Variants in TBC1D1 observed in about 807,000 individuals in gnomAD.
TBC1D1 encodes the protein TBC1 (tre-2/USP6, BUB2, cdc16) domain family, member 1.
A neutral mutation model predicts 125.6 loss-of-function variants in TBC1D1; 89 were observed. The observed-to-expected ratio is 0.71, with a 90% confidence interval of 0.60 to 0.85. The LOEUF (loss-of-function observed/expected upper bound fraction) is 0.85, where lower values mean the gene tolerates loss of function less well. Ranked by LOEUF, TBC1D1 falls within the 40% of genes least tolerant of loss-of-function variation. The pLI is 0.00. For synonymous variants in TBC1D1, 565 were observed against 564.1 expected (o/e 1.00, Z -0.02); for missense variants, 1,377 against 1,469.2 (o/e 0.94, Z 1.03).
intron 2 of TBC1D1, among the ~76,000 whole-genome samples, chr4:37,997,614 A>G (rs2152399274): frequency 6.6e-6 from 1 of 152,344 alleles, no homozygotes; most frequent in South Asian, 2.1e-4. Flanking sequence ...AAATACATAT[A>G]TATGAAAAAT....
At chr4:37,925,526 G>A (rs1721903207) in intron 2 of TBC1D1, among the ~76,000 whole-genome samples, 1 of 152,026 alleles carries the variant, frequency 6.6e-6, no homozygotes, top group South Asian at 2.1e-4. Flanking sequence ...GACCATCCTG[G>A]CCAACATGGT....
chr4:38,046,371 A>T (rs929764584), intron 10 of TBC1D1, among the ~76,000 whole-genome samples: 4 of 103,270 alleles, frequency 3.9e-5, no homozygotes, highest in African/African-American at 5.7e-5. Context: ...GACTCTGTGT[A>T]AAAAAAAAAA....
At chr4:38,122,590 A>G (rs1402865082) in intron 17 of TBC1D1, among the ~76,000 whole-genome samples, 1 of 152,128 alleles carries the variant, frequency 6.6e-6, no homozygotes. Flanking sequence ...TTGTTCTCGT[A>G]ACACCCTGGG....
chr4:38,057,249 A>G (rs1458341621), intron 12 of TBC1D1, among the ~76,000 whole-genome samples: 1 of 151,766 alleles, frequency 6.6e-6, no homozygotes, highest in Non-Finnish European at 1.5e-5. Flanking sequence ...CCATGAACTC[A>G]CCCTCATGCC....
intron 6 of TBC1D1, among the ~76,000 whole-genome samples, chr4:38,026,036 A>G (rs566986869): frequency 6.4e-4 from 98 of 152,004 alleles, no homozygotes; most frequent in African/African-American, 2.0e-3. Context: ...TGGACAAAAT[A>G]CTTCGATGTG....
intron 15 of TBC1D1, among the ~76,000 whole-genome samples, chr4:38,106,262 C>T (rs538919042): frequency 6.6e-6 from 1 of 152,200 alleles, no homozygotes; most frequent in East Asian, 2.0e-4. Context: ...TGCACCCTCT[C>T]TAAGAAATGA....
rs1733349217 is a variant in TBC1D1 at position 37,977,328 on chromosome 4, C to G, written c.418-37181C>G. The G allele has an allele frequency of 5.8e-6, 1 of 172,618 alleles. No homozygotes were observed. The highest frequency in any genetic ancestry group is 6.7e-5 in the Admixed American group (1 of 14,954). The allele number at this position is 172,618 out of a possible 1,614,324, so 10.7% of individuals were successfully genotyped here. On this transcript the variant is annotated intron_variant, in intron 2 of 19. Transcript: ENST00000261439. This position sits in a 1 kb window ranked among gnomAD's most constrained non-coding sequence, Gnocchi z 4.3. ...CCTGGCCGCCCCGCGGGCGCGACCTCTCGGGGCAGTGACGAACTGGGTGGA... is the reference window on the plus strand; with the variant it reads ...CCTGGCCGCCCCGCGGGCGCGACCTGTCGGGGCAGTGACGAACTGGGTGGA...
At position 38,089,938 on chromosome 4, in the gene TBC1D1, C is replaced by T. The variant is rs1291599060; in HGVS notation, c.2057C>T (p.Ser686Leu). 2 of 1,576,262 alleles carry T rather than the reference C, an allele frequency of 1.3e-6. No homozygotes were observed. Among genetic ancestry groups the T allele is most frequent in the African/African-American group, 2.7e-5 (2 of 72,784 alleles). ...ATGCCGTCTCCCTTTCCAGATTATT[C>T]AGAGCTGGGAGAGCTTCCCCCACGA... is the stretch of plus-strand genomic sequence containing the variant. The change falls in exon 13 of 20, where the codon TCA becomes TTA. Residue 686 changes from serine to leucine, a missense_variant. Physicochemically the swap from Ser to Leu is moderately radical, Grantham distance 145 (BLOSUM62 -2). This residue lies in a region of TBC1D1 where 543 missense variants were observed against 613.5 expected (regional missense o/e 0.89). Transcript: ENST00000261439.
rs71190937 is a variant in TBC1D1, at chr4:37,983,121, C to CTT, written c.418-31369_418-31368dup. 1.8e-3 allele frequency among the ~76,000 whole-genome samples: 214 copies of CTT among 116,552 alleles called. 1 individual carries two copies. The highest frequency in any genetic ancestry group is 3.8e-3 in the African/African-American group (114 of 30,284). 76.5% of individuals were successfully genotyped at this position (116,552 alleles called of 152,430 possible). A position where few individuals can be genotyped will look rare whatever the true frequency, so the allele number is the denominator to read the frequency against. On this transcript the variant is annotated intron_variant, in intron 2 of 19. Transcript: ENST00000261439. ...GCCAAAGATGATCTTTCCCCAAACT[C>CTT]TTTTTTTTTTTTTTTTTTTTCAGAC...
chr4:37,917,746 C>T (rs1000737437), intron 2 of TBC1D1, among the ~76,000 whole-genome samples: 1 of 152,186 alleles, frequency 6.6e-6, no homozygotes, highest in Non-Finnish European at 1.5e-5. Context: ...GACAGAATAA[C>T]CCTTGCTGCT....
Position 38,035,592 on chromosome 4 carries a change from T to C in TBC1D1, c.1307T>C (p.Leu436Ser). ...TTTCTGATTTTTGTTTTAAAGAAAT[T>C]GAGACCGAGAAATGAGCAGCGAGAG... Residue 436 changes from leucine to serine, a missense_variant, in exon 8 of 20, where the codon TTG becomes TCG. This residue lies in a region of TBC1D1 where 822 missense variants were observed against 824.6 expected (regional missense o/e 1.00). Coordinates refer to ENST00000261439, the MANE Select transcript of TBC1D1 (RefSeq NM_015173.4). The C allele has an allele frequency of 6.2e-7, 1 of 1,612,364 alleles. No homozygotes were observed. The highest frequency in any genetic ancestry group is 8.5e-7 in the Non-Finnish European group (1 of 1,179,242).
Position 38,049,738 on chromosome 4 carries a change from C to CTGTCGGTCCAACTTCTT in TBC1D1, c.1755_1756insGTCCAACTTCTTTGTCG (p.Pro586ValfsTer18). On this transcript the variant is annotated frameshift_variant, in exon 11 of 20. Transcript: ENST00000261439. LOFTEE classifies it high-confidence loss of function. Reference sequence around the variant, plus strand: ...TCATCTCCCAGAAGAGCCAGCTCCGCTGTCGCCCCAGCAGGCCTTCAGGAG... The same window carrying CTGTCGGTCCAACTTCTT: ...TCATCTCCCAGAAGAGCCAGCTCCGCTGTCGGTCCAACTTCTTTGTCGCCCCAGCAGGCCTTCAGGAG... The CTGTCGGTCCAACTTCTT allele has an allele frequency of 6.2e-7, 1 of 1,614,078 alleles. No individual in the cohort carries two copies. Among genetic ancestry groups the CTGTCGGTCCAACTTCTT allele is most frequent in the Non-Finnish European group, 8.5e-7 (1 of 1,180,040 alleles).
At chr4:38,075,125 G>A (rs1755364911) in intron 12 of TBC1D1, among the ~76,000 whole-genome samples, 1 of 152,186 alleles carries the variant, frequency 6.6e-6, no homozygotes, top group African/African-American at 2.4e-5. Context: ...CAAGTAAATT[G>A]TGGTAATGTT....
rs75527064 is a variant in TBC1D1 at position 38,100,707 on chromosome 4, C to T, written c.2399-2292C>T. Among the ~76,000 whole-genome samples, 439 of 151,580 alleles carry T rather than the reference C, an allele frequency of 2.9e-3. 15 individuals are homozygous for T. The East Asian group carries it at 0.053, about 18-fold the overall frequency. ...GGGGCCCTGTATTTCTTCTACAGGC[C>T]AACTTAAAAAAAATGATACGTGAAA... is the stretch of plus-strand genomic sequence containing the variant. On this transcript the variant is annotated intron_variant, in intron 14 of 19. Coordinates refer to ENST00000261439, the MANE Select transcript of TBC1D1 (RefSeq NM_015173.4).
chr4:38,115,288 G>A (rs987099291), intron 15 of TBC1D1, among the ~76,000 whole-genome samples: 2 of 151,970 alleles, frequency 1.3e-5, no homozygotes, highest in African/African-American at 2.4e-5. Flanking sequence ...TCTTAGTAGC[G>A]ATGGGGTTTC....
At chr4:38,097,845 A>T (rs1759637942) in intron 14 of TBC1D1, among the ~76,000 whole-genome samples, 1 of 152,178 alleles carries the variant, frequency 6.6e-6, no homozygotes, top group Admixed American at 6.5e-5. Flanking sequence ...ATAGTTTTTT[A>T]GGCATTTTTA....
chr4:38,081,101 G>A (rs1021369635), intron 12 of TBC1D1, among the ~76,000 whole-genome samples: 1 of 152,132 alleles, frequency 6.6e-6, no homozygotes, highest in Non-Finnish European at 1.5e-5. Context: ...TCCACTCTGC[G>A]TGTTCGTTGC....
At chr4:38,004,612 T>C (rs1739724573) in intron 2 of TBC1D1, among the ~76,000 whole-genome samples, 1 of 152,224 alleles carries the variant, frequency 6.6e-6, no homozygotes, top group African/African-American at 2.4e-5. Flanking sequence ...ATATGGGTTC[T>C]AGTGAAATAT....
intron 12 of TBC1D1, among the ~76,000 whole-genome samples, chr4:38,075,822 C>G (rs1412884393): frequency 6.6e-6 from 1 of 152,174 alleles, no homozygotes; most frequent in Non-Finnish European, 1.5e-5. Flanking sequence ...GCAAGCAGAA[C>G]CCCCATCACG....
Sources: allele counts gnomAD v4.1 joint callset (sites outside exome capture counted in the v4.1 genomes callset), GRCh38; gene constraint gnomAD v4.1.1; regional missense constraint gnomAD v4.1.1; non-coding constraint Gnocchi (gnomAD v3.1); transcripts MANE v1.5; gene names NCBI Gene and HGNC (gene_info 2026-07-23, HGNC 2026-07-21).